ARMC6: variants seen among roughly 807,000 people sequenced by gnomAD.
ARMC6 encodes the protein armadillo repeat containing 6.
A neutral mutation model predicts 49.2 loss-of-function variants in ARMC6; 43 were observed. The ratio of observed to expected loss-of-function variants is 0.87; its 90% CI spans 0.69 to 1.13. The LOEUF (loss-of-function observed/expected upper bound fraction) is 1.13, where lower values mean the gene tolerates loss of function less well. Ranked by LOEUF, ARMC6 falls within the 50% of genes most tolerant of loss-of-function variation. The pLI, the probability that ARMC6 is intolerant of heterozygous loss-of-function variation, is 0.00. For missense variants in ARMC6, 627 were observed against 682.0 expected (o/e 0.92, Z 0.90); for synonymous variants, 262 against 289.6 (o/e 0.90, Z 0.97).
At chr19:19,056,217 G>A (rs1318406518) in intron 8 of ARMC6, among the ~76,000 whole-genome samples, 1 of 151,700 alleles carries the variant, frequency 6.6e-6, no homozygotes, top group Non-Finnish European at 1.5e-5. Flanking sequence ...GGGCTTTCTG[G>A]TGAAACCCTG....
intron 2 of ARMC6, among the ~76,000 whole-genome samples, chr19:19,039,893 T>C (rs1046173065): frequency 6.6e-6 from 1 of 152,212 alleles, no homozygotes; most frequent in Non-Finnish European, 1.5e-5. Context: ...ATTTTGCAGA[T>C]CACATCCCCA....
At position 19,055,516 on chromosome 19, in the gene ARMC6, G is replaced by A; in HGVS notation, c.1155+120G>A. On this transcript the variant is annotated intron_variant, in intron 7 of 8. Coordinates refer to ENST00000535612, the MANE Select transcript of ARMC6 (RefSeq NM_001199196.2). This position sits in a 1 kb window ranked among gnomAD's most constrained non-coding sequence, Gnocchi z 5.7. Reference sequence around the variant, plus strand: ...CCAGGGCAGGGCTGGTGAGGGTCGTGGGCATTGGCTCTCAAATGCTGACCT... The same window carrying A: ...CCAGGGCAGGGCTGGTGAGGGTCGTAGGCATTGGCTCTCAAATGCTGACCT... 2.1e-6 allele frequency: 3 copies of A among 1,399,816 alleles called. No homozygotes were observed. The highest frequency in any genetic ancestry group is 1.9e-4 in the Middle Eastern group (1 of 5,320). 86.7% of individuals were successfully genotyped at this position (1,399,816 alleles called of 1,614,324 possible). A position where few individuals can be genotyped will look rare whatever the true frequency, so the allele number is the denominator to read the frequency against.
chr19:19,048,977 C>G (rs959760899), intron 4 of ARMC6, among the ~76,000 whole-genome samples: 1 of 151,930 alleles, frequency 6.6e-6, no homozygotes, highest in African/African-American at 2.4e-5. Flanking sequence ...CACTTCCCAT[C>G]ATGACCTGAA....
Position 19,045,493 on chromosome 19 carries a change from C to CTTTTTTTTTTTTTTTTTTTTTTTT in ARMC6, c.279+1430_279+1431insTTTTTTTTTTTTTTTTTTTTTTTT, listed in dbSNP as rs11270900. Among the ~76,000 whole-genome samples the CTTTTTTTTTTTTTTTTTTTTTTTT allele has an allele frequency of 2.2e-3, 193 of 89,108 alleles. 51 individuals are homozygous for CTTTTTTTTTTTTTTTTTTTTTTTT. The highest frequency in any genetic ancestry group is 8.6e-3 in the African/African-American group (180 of 20,886). The allele number at this position is 89,108 out of a possible 152,430, so 58.5% of individuals were successfully genotyped here. On this transcript the variant is annotated intron_variant, in intron 4 of 8. Coordinates refer to ENST00000535612, the MANE Select transcript of ARMC6 (RefSeq NM_001199196.2). ...TAAGTGCTCAGCATTATGCTAAATTCTTTTTTTTTTTGAGACAAGAGTCTC... is the reference window on the plus strand; with the variant it reads ...TAAGTGCTCAGCATTATGCTAAATTCTTTTTTTTTTTTTTTTTTTTTTTTTTTTTTTTTTTGAGACAAGAGTCTC...
At chr19:19,035,303 GACAGC>G (rs935692724) in intron 2 of ARMC6, among the ~76,000 whole-genome samples, 1 of 152,232 alleles carries the variant, frequency 6.6e-6, no homozygotes, top group African/African-American at 2.4e-5. Flanking sequence ...ACCGCACCTG[GACAGC>G]ACAGTTTTCT....
intron 5 of ARMC6, 118 bp from the exon 6 acceptor site, chr19:19,054,033 TG>T: frequency 9.7e-7 from 1 of 1,033,324 alleles, no homozygotes; most frequent in South Asian, 2.5e-5. Context: ...CTGGTGCCCG[TG>T]GCCACTCCAA....
chr19:19,057,711 C>G lies in ARMC6; in HGVS notation c.*83C>G. ...TAGATCCATGTCCTCCACTGTCCCCCATTAGTTCTGTCCCCTTCACAATGA... is the reference window on the plus strand; with the variant it reads ...TAGATCCATGTCCTCCACTGTCCCCGATTAGTTCTGTCCCCTTCACAATGA... On this transcript the variant is annotated 3_prime_UTR_variant, in exon 9 of 9. Transcript: ENST00000535612. The G allele has an allele frequency of 2.2e-6, 3 of 1,364,008 alleles. No individual in the cohort carries two copies. Among genetic ancestry groups the G allele is most frequent in the Non-Finnish European group, 3.1e-6 (3 of 967,814 alleles). The allele number at this position is 1,364,008 out of a possible 1,614,324, so 84.5% of individuals were successfully genotyped here. A position where few individuals can be genotyped will look rare whatever the true frequency, so the allele number is the denominator to read the frequency against.
Position 19,042,847 on chromosome 19 carries a change from A to G in ARMC6, c.166A>G (p.Lys56Glu). ...TGCGATGGGGCCAGAGGAGGCAGTGAAAGAGGCCGTGGAGCAGTTTGAATC... is the reference window on the plus strand; with the variant it reads ...TGCGATGGGGCCAGAGGAGGCAGTGGAAGAGGCCGTGGAGCAGTTTGAATC... ...EFAMGPEEAV[K>E]EAVEQFESQG... Residue 56 changes from lysine (K) to glutamate (E), a missense_variant, in exon 3 of 9, where the codon AAA (lysine) becomes GAA (glutamate). By Grantham distance (56) the Lys-to-Glu change is moderately conservative. Coordinates refer to ENST00000535612, the MANE Select transcript of ARMC6 (RefSeq NM_001199196.2). 6.2e-7 allele frequency: 1 copy of G among 1,613,984 alleles called. No individual in the cohort carries two copies. The highest frequency in any genetic ancestry group is 8.5e-7 in the Non-Finnish European group (1 of 1,180,040).
At chr19:19,046,739 C>T (rs1180825406) in intron 4 of ARMC6, among the ~76,000 whole-genome samples, 2 of 152,044 alleles carry the variant, frequency 1.3e-5, no homozygotes, top group Non-Finnish European at 1.5e-5. Context: ...AAGTGATCTG[C>T]CTGCCTCGGC....
chr19:19,042,427 C>A (rs2059417859), intron 2 of ARMC6, among the ~76,000 whole-genome samples: 1 of 152,072 alleles, frequency 6.6e-6, no homozygotes, highest in South Asian at 2.1e-4. Flanking sequence ...TGGCTCACTG[C>A]AGCCTTGACC....
intron 8 of ARMC6, among the ~76,000 whole-genome samples, chr19:19,056,908 CA>C (rs1280609572): frequency 6.6e-6 from 1 of 152,234 alleles, no homozygotes; most frequent in East Asian, 1.9e-4. Context: ...AGCAGTTCCC[CA>C]CTCTGCATGC....
At chr19:19,040,137 G>A (rs1394445521) in intron 2 of ARMC6, among the ~76,000 whole-genome samples, 3 of 152,088 alleles carry the variant, frequency 2.0e-5, no homozygotes, top group South Asian at 2.1e-4. Flanking sequence ...GATCAGATTC[G>A]GGTTTGAGAT....
intron 2 of ARMC6, among the ~76,000 whole-genome samples, chr19:19,038,460 T>C (rs2059386887): frequency 6.6e-6 from 1 of 152,232 alleles, no homozygotes; most frequent in African/African-American, 2.4e-5. Flanking sequence ...TACTTAACTC[T>C]ATGTCTTGTT....
chr19:19,052,210 C>T lies in ARMC6; in HGVS notation c.853+15C>T. 6.4e-7 allele frequency: 1 copy of T among 1,565,010 alleles called. No individual in the cohort carries two copies. Among genetic ancestry groups the T allele is most frequent in the Non-Finnish European group, 8.6e-7 (1 of 1,156,710 alleles). ...AGCCACCAAAGGTAAGAGCTGGGGG[C>T]CGACACGAGCCAGCGAACAAAGTGG... is the stretch of plus-strand genomic sequence containing the variant. On this transcript the variant is annotated intron_variant, in intron 5 of 8. Coordinates refer to ENST00000535612, the MANE Select transcript of ARMC6 (RefSeq NM_001199196.2).
chr19:19,043,372 G>A lies in ARMC6; in HGVS notation c.196+495G>A, dbSNP rs149787521. On this transcript the variant is annotated intron_variant, in intron 3 of 8. Transcript: ENST00000535612. Reference sequence around the variant, plus strand: ...GCAGGGAGCAGGAGTCCTGGGCAGGGGCCACATGATGGGTGCTGGGCCCTG... The same window carrying A: ...GCAGGGAGCAGGAGTCCTGGGCAGGAGCCACATGATGGGTGCTGGGCCCTG... Among the ~76,000 whole-genome samples, 81 of 152,270 alleles carry A rather than the reference G, an allele frequency of 5.3e-4. 1 individual carries two copies. In the East Asian group the frequency reaches 0.014, roughly 26 times the overall value.
intron 3 of ARMC6, among the ~76,000 whole-genome samples, chr19:19,043,407 C>T (rs2059425053): frequency 6.6e-6 from 1 of 152,176 alleles, no homozygotes; most frequent in Non-Finnish European, 1.5e-5. Context: ...GGGGCAGAGG[C>T]AGGGGGCTGG....
At chr19:19,037,011 C>A (rs1184417101) in intron 2 of ARMC6, among the ~76,000 whole-genome samples, 1 of 152,132 alleles carries the variant, frequency 6.6e-6, no homozygotes, top group African/African-American at 2.4e-5. Flanking sequence ...CATGGTGAAA[C>A]CCTGTCTCTA....
Position 19,052,061 on chromosome 19 carries a change from G to A in ARMC6, c.719G>A (p.Arg240Lys), listed in dbSNP as rs2059501921. The A allele has an allele frequency of 6.2e-7, 1 of 1,613,858 alleles. No homozygotes were observed. The highest frequency in any genetic ancestry group is 1.7e-5 in the Admixed American group (1 of 60,002). The change falls in exon 5 of 9, where the codon AGG becomes AAG. Residue 240 changes from arginine to lysine, a missense_variant. Coordinates refer to ENST00000535612, the MANE Select transcript of ARMC6 (RefSeq NM_001199196.2). ...CATGGCCACCACACTGACGTGGTCA[G>A]GGAAGCCTGCTGGGCCCTGCGTGTC... is the stretch of plus-strand genomic sequence containing the variant. ...THHGHHTDVV[R>K]EACWALRVMT...
In ARMC6 at chr19:19,051,805, C is replaced by G. The variant is rs1022247241; in HGVS notation, c.463C>G (p.Leu155Val). ...GGCCACTGCAGGTGACCAGGGCCTT[C>G]TGCTCCAGTCCCTCAATGCCCTGTC... ...KLATAGDQGL[L>V]LQSLNALSVL... The change falls in exon 5 of 9, where the codon CTG becomes GTG. Residue 155 changes from leucine to valine, a missense_variant. By Grantham distance (32) the Leu-to-Val change is conservative. Coordinates refer to ENST00000535612, the MANE Select transcript of ARMC6 (RefSeq NM_001199196.2). 19 of 1,613,994 alleles carry G rather than the reference C, an allele frequency of 1.2e-5. No individual in the cohort carries two copies. Among genetic ancestry groups the G allele is most frequent in the Admixed American group, 1.7e-5 (1 of 60,006 alleles).
Sources: gnomAD v4.1 joint callset for allele counts (sites outside exome capture counted in the v4.1 genomes callset) on GRCh38, gnomAD v4.1.1 for gene constraint, Gnocchi (gnomAD v3.1) non-coding constraint, MANE v1.5 for transcripts, NCBI Gene and HGNC (gene_info 2026-07-23, HGNC 2026-07-21) for gene names.